Variants in PRORP observed in about 807,000 individuals in gnomAD.
PRORP encodes the protein protein only RNase P catalytic subunit, also known as mitochondrial ribonuclease P catalytic subunit.
In PRORP, 51 loss-of-function variants were observed where a neutral mutation model predicts 59.4. The observed-to-expected ratio is 0.86, with a 90% CI of 0.69 to 1.08. PRORP has a LOEUF of 1.08. PRORP is among the 50% of genes least tolerant of loss of function. The probability of loss-of-function intolerance (pLI) is 0.00; values close to 1 mark genes in which losing one functional copy is unlikely to be tolerated. For missense variants in PRORP, 646 were observed against 690.3 expected (o/e 0.94, Z 0.72); for synonymous variants, 231 against 245.6 (o/e 0.94, Z 0.55).
At chr14:35,186,022 G>A (rs1233912096) in intron 5 of PRORP, among the ~76,000 whole-genome samples, 6 of 152,098 alleles carry the variant, frequency 3.9e-5, no homozygotes, top group Non-Finnish European at 8.8e-5. Flanking sequence ...TGTTAATAAT[G>A]AGGAAGTATG....
chr14:35,173,248 A>G lies in PRORP; in HGVS notation c.1168-7422A>G, dbSNP rs542334453. 5.8e-4 allele frequency among the ~76,000 whole-genome samples: 88 copies of G among 152,254 alleles called. No individual in the cohort carries two copies. In the Middle Eastern group the frequency reaches 0.01, roughly 18 times the overall value. On this transcript the variant is annotated intron_variant, in intron 4 of 7. Transcript: ENST00000534898. ...TTCTTTTCATGTTTATTAATTTTCA[A>G]TTGTGTATCAGACATTGTGAATGAC...
intron 5 of PRORP, among the ~76,000 whole-genome samples, chr14:35,236,681 C>A (rs2050222707): frequency 6.6e-6 from 1 of 152,162 alleles, no homozygotes; most frequent in Non-Finnish European, 1.5e-5. Flanking sequence ...TCTGACCATT[C>A]CTTGTTCTCT....
intron 5 of PRORP, among the ~76,000 whole-genome samples, chr14:35,224,207 T>A (rs966244722): frequency 6.6e-6 from 1 of 152,044 alleles, no homozygotes; most frequent in African/African-American, 2.4e-5. Context: ...AATAGAAAAC[T>A]TTTTTTTATT....
intron 4 of PRORP, among the ~76,000 whole-genome samples, chr14:35,179,259 C>T (rs535520470): frequency 6.6e-6 from 1 of 152,264 alleles, no homozygotes; most frequent in South Asian, 2.1e-4. Flanking sequence ...GTGGCATTCT[C>T]TGTATTTCCT....
chr14:35,240,379 G>A (rs923668449), intron 5 of PRORP, among the ~76,000 whole-genome samples: 1 of 136,744 alleles, frequency 7.3e-6, no homozygotes, highest in African/African-American at 2.7e-5. Context: ...ATAGCTACAT[G>A]TGTATGCACA....
chr14:35,265,654 A>G (rs1039820994), intron 5 of PRORP, among the ~76,000 whole-genome samples: 1 of 152,224 alleles, frequency 6.6e-6, no homozygotes, highest in East Asian at 1.9e-4. Context: ...TATTAGCAAT[A>G]AAGTCATAAC....
At chr14:35,176,895 T>C (rs2048465870) in intron 4 of PRORP, among the ~76,000 whole-genome samples, 2 of 152,138 alleles carry the variant, frequency 1.3e-5, no homozygotes, top group South Asian at 4.2e-4. Context: ...AAATAGCTCT[T>C]ATTATTTTGA....
At chr14:35,223,461 T>A (rs1433304195) in intron 5 of PRORP, among the ~76,000 whole-genome samples, 10 of 145,056 alleles carry the variant, frequency 6.9e-5, no homozygotes, top group Non-Finnish European at 1.4e-4. Context: ...TTTAACTTTT[T>A]TTTTTTTTTT....
At chr14:35,189,771 A>T (rs1185333368) in intron 5 of PRORP, among the ~76,000 whole-genome samples, 2 of 152,210 alleles carry the variant, frequency 1.3e-5, no homozygotes, top group Admixed American at 1.3e-4. Flanking sequence ...GTCAGAATAG[A>T]AAATAGTATT....
chr14:35,246,286 T>A (rs2050482177), intron 5 of PRORP, among the ~76,000 whole-genome samples: 1 of 152,206 alleles, frequency 6.6e-6, no homozygotes, highest in African/African-American at 2.4e-5. Context: ...TGATGATTCC[T>A]TCCTCTGTGT....
chr14:35,184,634 G>A (rs1189219818), intron 5 of PRORP, among the ~76,000 whole-genome samples: 2 of 152,102 alleles, frequency 1.3e-5, no homozygotes, highest in African/African-American at 2.4e-5. Context: ...ATTAAGCCCA[G>A]TACTCAATAG....
At chr14:35,180,317 C>T (rs1595253528) in intron 4 of PRORP, among the ~76,000 whole-genome samples, 3 of 152,130 alleles carry the variant, frequency 2.0e-5, no homozygotes, top group African/African-American at 4.8e-5. Context: ...TGTTCCTATT[C>T]GGCCATCTTG....
At chr14:35,257,731 T>G (rs2138619782) in intron 5 of PRORP, among the ~76,000 whole-genome samples, 1 of 152,334 alleles carries the variant, frequency 6.6e-6, no homozygotes, top group East Asian at 1.9e-4. Flanking sequence ...GAATTTCTAA[T>G]TTCTGAAGAC....
intron 4 of PRORP, among the ~76,000 whole-genome samples, chr14:35,153,774 A>G (rs766288759): frequency 6.6e-6 from 1 of 152,212 alleles, no homozygotes; most frequent in African/African-American, 2.4e-5. Flanking sequence ...ACATTTTGGT[A>G]TATGTAGAGT....
At chr14:35,226,595 G>C (rs531072515) in intron 5 of PRORP, among the ~76,000 whole-genome samples, 3 of 152,110 alleles carry the variant, frequency 2.0e-5, no homozygotes, top group African/African-American at 7.2e-5. Context: ...TGATGGGTTG[G>C]GGGGAGTAAT....
chr14:35,141,895 T>G (rs980036723), intron 4 of PRORP, among the ~76,000 whole-genome samples: 1 of 143,050 alleles, frequency 7.0e-6, no homozygotes, highest in African/African-American at 2.5e-5. Flanking sequence ...TTTTTTTTTT[T>G]AAGACGGAGT....
chr14:35,183,240 GCACA>G (rs1262044229), intron 5 of PRORP, among the ~76,000 whole-genome samples: 2 of 123,790 alleles, frequency 1.6e-5, no homozygotes, highest in Non-Finnish European at 3.7e-5. Flanking sequence ...ACACACACAC[GCACA>G]CACACACAAT....
chr14:35,201,312 C>T (rs1392350487), intron 5 of PRORP, among the ~76,000 whole-genome samples: 1 of 152,166 alleles, frequency 6.6e-6, no homozygotes, highest in Non-Finnish European at 1.5e-5. Context: ...TATGTGCAGC[C>T]CTCAGTTAAA....
intron 4 of PRORP, among the ~76,000 whole-genome samples, chr14:35,128,133 A>G (rs7158634): frequency 0.38 from 58,192 of 152,006 alleles, 11,410 homozygotes; most frequent in Middle Eastern, 0.47. Flanking sequence ...ATTTGTGTAT[A>G]TTGAACCATC....
Sources: gnomAD v4.1 joint callset for allele counts (sites outside exome capture counted in the v4.1 genomes callset) on GRCh38, gnomAD v4.1.1 for gene constraint, MANE v1.5 for transcripts, NCBI Gene and HGNC (gene_info 2026-07-23, HGNC 2026-07-21) for gene names.